Variants in DISP1 observed in about 807,000 individuals in gnomAD.
The protein encoded by DISP1 is protein dispatched homolog 1.
In DISP1, 30 loss-of-function variants were observed where a neutral mutation model predicts 37.3. The observed-to-expected ratio is 0.80, with a 90% CI of 0.60 to 1.09. The LOEUF is 1.09. DISP1 is among the 50% of genes least tolerant of loss of function. DISP1 has a pLI of 0.00. For synonymous variants in DISP1, 634 were observed against 690.2 expected, an observed-to-expected ratio of 0.92 and a Z score of 1.28; for missense variants, 1,598 against 1,879.5, an observed-to-expected ratio of 0.85 and a Z score of 2.77.
intron 1 of DISP1, among the ~76,000 whole-genome samples, chr1:222,925,091 T>C (rs1042954160): frequency 1.3e-5 from 2 of 152,184 alleles, no homozygotes; most frequent in African/African-American, 4.8e-5. Context: ...TTGGGGATAA[T>C]ATTTATTTAT....
At chr1:222,928,180 A>G (rs1331633672) in intron 1 of DISP1, among the ~76,000 whole-genome samples, 3 of 152,212 alleles carry the variant, frequency 2.0e-5, no homozygotes, top group Admixed American at 6.5e-5. Flanking sequence ...ATAACTAAAA[A>G]CAGTCCTTCA....
At chr1:222,875,381 G>T (rs888603473) in intron 1 of DISP1, among the ~76,000 whole-genome samples, 4 of 151,780 alleles carry the variant, frequency 2.6e-5, no homozygotes, top group Non-Finnish European at 5.9e-5. Flanking sequence ...GTGTTTTTTT[G>T]TATGTGTATT....
chr1:222,902,473 C>G (rs1484001735), intron 1 of DISP1, among the ~76,000 whole-genome samples: 5 of 152,090 alleles, frequency 3.3e-5, no homozygotes, highest in African/African-American at 9.7e-5. Flanking sequence ...TTAAACTAAA[C>G]AGCTTCTGCA....
chr1:222,843,416 G>A (rs1667719674), intron 1 of DISP1, among the ~76,000 whole-genome samples: 1 of 151,808 alleles, frequency 6.6e-6, no homozygotes, highest in African/African-American at 2.4e-5. Flanking sequence ...CTGTTTGCTT[G>A]CTAAACCATT....
At chr1:222,899,068 A>G (rs1671439567) in intron 1 of DISP1, among the ~76,000 whole-genome samples, 1 of 152,168 alleles carries the variant, frequency 6.6e-6, no homozygotes, top group Non-Finnish European at 1.5e-5. Context: ...ATATAAATAT[A>G]GGAATATATA....
At chr1:222,896,680 G>T (rs1671280573) in intron 1 of DISP1, among the ~76,000 whole-genome samples, 1 of 151,822 alleles carries the variant, frequency 6.6e-6, no homozygotes, top group Admixed American at 6.6e-5. Flanking sequence ...GTGTGACAAA[G>T]GGCTTGTATC....
intron 1 of DISP1, among the ~76,000 whole-genome samples, chr1:222,843,147 T>C (rs1457886554): frequency 6.6e-6 from 1 of 151,952 alleles, no homozygotes; most frequent in African/African-American, 2.4e-5. Flanking sequence ...TAATTTTGAC[T>C]AATCGGGGAA....
rs369850444 is a variant in DISP1, at chr1:222,886,259, G to T, written c.-158-42171G>T. ...AACAGTGAGTGTTGACAGAATGGTA[G>T]AGACAGCAACAGAAGCAACGCTTTG... On this transcript the variant is annotated intron_variant, in intron 1 of 8. Coordinates refer to ENST00000675850, the MANE Select transcript of DISP1 (RefSeq NM_001377229.1). 8.4e-4 allele frequency among the ~76,000 whole-genome samples: 128 copies of T among 152,292 alleles called. No homozygotes were observed. In the Middle Eastern group the frequency reaches 0.01, roughly 12 times the overall value.
At chr1:222,982,806 G>T (rs1452360874) in intron 3 of DISP1, among the ~76,000 whole-genome samples, 1 of 152,124 alleles carries the variant, frequency 6.6e-6, no homozygotes, top group African/African-American at 2.4e-5. Context: ...TGTACAGTGT[G>T]AGTATGATTC....
At chr1:222,979,708 C>T (rs1436632225) in intron 3 of DISP1, 2 of 469,376 alleles carry the variant, frequency 4.3e-6, no homozygotes, top group Admixed American at 2.4e-5. Flanking sequence ...AGCTGCTAAG[C>T]CCTCACCAGC....
chr1:222,835,734 C>T (rs1666861219), intron 1 of DISP1, among the ~76,000 whole-genome samples: 1 of 151,660 alleles, frequency 6.6e-6, no homozygotes, highest in Non-Finnish European at 1.5e-5. Context: ...GGTGGATTAC[C>T]TAGTATCAGG....
rs771437708 is a variant in DISP1, at chr1:223,002,473, C to A, written c.1076C>A (p.Ala359Asp). Reference sequence around the variant, plus strand: ...AGCTGGACACTGGGAAACTACATCGCCATTCTGAACAATAGATCGTCCTGT... The same window carrying A: ...AGCTGGACACTGGGAAACTACATCGACATTCTGAACAATAGATCGTCCTGT... Reference protein sequence around the residue: ...CPSWTLGNYIAILNNRSSCQK... With the variant: ...CPSWTLGNYIDILNNRSSCQK... The change falls in exon 9 of 9, where the codon GCC (alanine) becomes GAC (aspartate). Residue 359 changes from alanine to aspartate, a missense_variant. Coordinates refer to ENST00000675850, the MANE Select transcript of DISP1 (RefSeq NM_001377229.1). The A allele has an allele frequency of 6.2e-7, 1 of 1,614,162 alleles. No homozygotes were observed. The highest frequency in any genetic ancestry group is 8.5e-7 in the Non-Finnish European group (1 of 1,180,032).
chr1:222,975,729 T>C (rs537490228), intron 3 of DISP1, among the ~76,000 whole-genome samples: 1 of 152,366 alleles, frequency 6.6e-6, no homozygotes, highest in South Asian at 2.1e-4. Context: ...ATCAGAGTAC[T>C]GTAGCCAAGG....
intron 1 of DISP1, among the ~76,000 whole-genome samples, chr1:222,873,580 G>A (rs1369461019): frequency 1.3e-5 from 2 of 151,994 alleles, no homozygotes; most frequent in Non-Finnish European, 2.9e-5. Context: ...TGTTTTATCC[G>A]AGACTAGGAT....
chr1:222,900,295 G>T lies in DISP1; in HGVS notation c.-158-28135G>T, dbSNP rs1671508783. ...TTAGTTTCCTCATTGATAAAATGAG[G>T]ATAATCTTAGTACTTGCCTCTTTTG... On this transcript the variant is annotated intron_variant, in intron 1 of 8. Coordinates refer to ENST00000675850, the MANE Select transcript of DISP1 (RefSeq NM_001377229.1). 3.9e-5 allele frequency among the ~76,000 whole-genome samples: 6 copies of T among 152,250 alleles called. No individual in the cohort carries two copies. In the South Asian group the frequency reaches 1.2e-3, roughly 32 times the overall value.
chr1:222,836,764 C>T (rs61839599), intron 1 of DISP1, among the ~76,000 whole-genome samples: 9,193 of 113,312 alleles, frequency 0.081, 335 homozygotes, highest in Non-Finnish European at 0.1. Context: ...TATATATATA[C>T]ACACACACAC....
chr1:222,910,475 A>G (rs1466318942), intron 1 of DISP1, among the ~76,000 whole-genome samples: 1 of 152,224 alleles, frequency 6.6e-6, no homozygotes, highest in Non-Finnish European at 1.5e-5. Flanking sequence ...AAGAAATACT[A>G]AATGGTGCAC....
chr1:222,859,753 A>G (rs1307729457), intron 1 of DISP1, among the ~76,000 whole-genome samples: 1 of 152,220 alleles, frequency 6.6e-6, no homozygotes, highest in Non-Finnish European at 1.5e-5. Context: ...TATGCTCTCC[A>G]ATGTTTGACT....
intron 2 of DISP1, among the ~76,000 whole-genome samples, chr1:222,935,667 T>A (rs1673675961): frequency 6.6e-6 from 1 of 150,486 alleles, no homozygotes; most frequent in African/African-American, 2.4e-5. Context: ...TCAGGCTATA[T>A]GAGCCCTGTG....
Sources: allele counts gnomAD v4.1 joint callset (sites outside exome capture counted in the v4.1 genomes callset), GRCh38; gene constraint gnomAD v4.1.1; transcripts MANE v1.5; gene names NCBI Gene and HGNC (gene_info 2026-07-23, HGNC 2026-07-21).